The following SMAD6 variants were observed in gnomAD, a reference collection of about 807,000 sequenced individuals.
SMAD6 encodes SMAD family member 6.
A neutral mutation model predicts 39.4 loss-of-function variants in SMAD6; 103 were observed. The ratio of observed to expected loss-of-function variants is 2.62; its 90% confidence interval spans 2.23 to 3.08. The LOEUF (loss-of-function observed/expected upper bound fraction) is 3.08. Among genes scored for constraint, SMAD6 ranks in the 30% most tolerant of loss-of-function variants. SMAD6 has a pLI of 0.00. For synonymous variants in SMAD6, 445 were observed against 353.3 expected (o/e 1.26, Z -2.91); for missense variants, 1,104 against 742.9 (o/e 1.49, Z -5.65).
Position 66,777,850 on chromosome 15 carries a change from G to A in SMAD6, c.953-3147G>A, listed in dbSNP as rs77887220. On this transcript the variant is annotated intron_variant, in intron 3 of 3. Coordinates refer to ENST00000288840, the MANE Select transcript of SMAD6 (RefSeq NM_005585.5). ...AGGAAGCCGCAGGGGATGGGGCCTGGCTCAAGCCCAGGGTGTCCCTTAGCT... is the reference window on the plus strand; with the variant it reads ...AGGAAGCCGCAGGGGATGGGGCCTGACTCAAGCCCAGGGTGTCCCTTAGCT... 8.0e-3 allele frequency among the ~76,000 whole-genome samples: 1,222 copies of A among 152,326 alleles called. 97 individuals carry two copies. In the East Asian group the frequency reaches 0.17, roughly 21 times the overall value.
At chr15:66,720,981 G>A (rs1457565436) in intron 3 of SMAD6, among the ~76,000 whole-genome samples, 4 of 152,228 alleles carry the variant, frequency 2.6e-5, no homozygotes, top group Admixed American at 2.6e-4. Context: ...GGGGAAGGAA[G>A]GGAGCAACAG....
intron 3 of SMAD6, among the ~76,000 whole-genome samples, chr15:66,739,460 C>A (rs905431780): frequency 1.3e-5 from 2 of 152,180 alleles, no homozygotes; most frequent in East Asian, 1.9e-4. Flanking sequence ...GCAGGCAGGC[C>A]GTCAAGAGCC....
chr15:66,746,595 A>G (rs1033323612), intron 3 of SMAD6, among the ~76,000 whole-genome samples: 5 of 152,142 alleles, frequency 3.3e-5, no homozygotes, highest in African/African-American at 1.2e-4. Flanking sequence ...TCAGAGAAAA[A>G]TGCTGTTTTG....
intron 3 of SMAD6, among the ~76,000 whole-genome samples, chr15:66,762,131 C>G (rs886973473): frequency 3.3e-5 from 5 of 152,196 alleles, no homozygotes; most frequent in Admixed American, 6.5e-5. Flanking sequence ...AAAAATAATG[C>G]GTGTATAGCC....
In SMAD6 at chr15:66,703,149, C is replaced by A; in HGVS notation, c.-110C>A. On this transcript the variant is annotated 5_prime_UTR_variant, in exon 1 of 4. Coordinates refer to ENST00000288840, the MANE Select transcript of SMAD6 (RefSeq NM_005585.5). Reference sequence around the variant, plus strand: ...GCGCGGTCTGCACGGCGCTCCGCGGCGGAGCTTCATGTGGGGCTGCGACCC... The same window carrying A: ...GCGCGGTCTGCACGGCGCTCCGCGGAGGAGCTTCATGTGGGGCTGCGACCC... 1.3e-6 allele frequency: 1 copy of A among 780,074 alleles called. No individual in the cohort carries two copies. Among genetic ancestry groups the A allele is most frequent in the Non-Finnish European group, 1.8e-6 (1 of 548,096 alleles). The allele number at this position is 780,074 out of a possible 1,614,324, so 48.3% of individuals were successfully genotyped here.
At position 66,703,216 on chromosome 15, in the gene SMAD6, C is replaced by T. The variant is rs927254481; in HGVS notation, c.-43C>T. 2.3e-6 allele frequency: 3 copies of T among 1,320,356 alleles called. No homozygotes were observed. The highest frequency in any genetic ancestry group is 3.1e-5 in the East Asian group (1 of 32,136). 81.8% of individuals were successfully genotyped at this position (1,320,356 alleles called of 1,614,324 possible). A position where few individuals can be genotyped will look rare whatever the true frequency, so the allele number is the denominator to read the frequency against. On this transcript the variant is annotated 5_prime_UTR_variant, in exon 1 of 4. Coordinates refer to ENST00000288840, the MANE Select transcript of SMAD6 (RefSeq NM_005585.5). Reference sequence around the variant, plus strand: ...GCTGAGGGAACGGACCCCCGGTAACCGGAGACCGCCTCCCCCCCACCCCTG... The same window carrying T: ...GCTGAGGGAACGGACCCCCGGTAACTGGAGACCGCCTCCCCCCCACCCCTG...
intron 1 of SMAD6, chr15:66,708,674 C>A (rs1355817755): frequency 6.5e-6 from 3 of 459,900 alleles, no homozygotes; most frequent in Non-Finnish European, 1.4e-5. Context: ...AAGAAGCCAG[C>A]CACAAAAGGC....
At chr15:66,752,500 A>G (rs1299211276) in intron 3 of SMAD6, among the ~76,000 whole-genome samples, 1 of 152,238 alleles carries the variant, frequency 6.6e-6, no homozygotes, top group Non-Finnish European at 1.5e-5. Flanking sequence ...AAATACATAC[A>G]TAGGGCTGGG....
intron 3 of SMAD6, among the ~76,000 whole-genome samples, chr15:66,725,973 A>C (rs1893514362): frequency 6.6e-6 from 1 of 152,124 alleles, no homozygotes; most frequent in South Asian, 2.1e-4. Context: ...CCTCCTGCCC[A>C]CTGCCTTATG....
chr15:66,714,447 A>G (rs1039809474), intron 2 of SMAD6, among the ~76,000 whole-genome samples: 2 of 152,140 alleles, frequency 1.3e-5, no homozygotes, highest in African/African-American at 4.8e-5. Context: ...TGAAATTCAG[A>G]TTTTGGTGTC....
intron 3 of SMAD6, among the ~76,000 whole-genome samples, chr15:66,755,484 C>G (rs1365774444): frequency 6.6e-6 from 1 of 152,202 alleles, no homozygotes; most frequent in Non-Finnish European, 1.5e-5. Context: ...TTATGAGAGG[C>G]ACATTCCAGG....
chr15:66,727,795 A>G (rs1441452535), intron 3 of SMAD6, among the ~76,000 whole-genome samples: 1 of 152,144 alleles, frequency 6.6e-6, no homozygotes, highest in Non-Finnish European at 1.5e-5. Context: ...TTTTACCAAT[A>G]CATAATACAT....
chr15:66,723,630 A>G (rs766562669), intron 3 of SMAD6, among the ~76,000 whole-genome samples: 2 of 152,250 alleles, frequency 1.3e-5, no homozygotes, highest in Non-Finnish European at 2.9e-5. Flanking sequence ...TGATCGCACC[A>G]CTGCACTCTG....
chr15:66,729,403 C>T (rs1893583080), intron 3 of SMAD6, among the ~76,000 whole-genome samples: 1 of 152,164 alleles, frequency 6.6e-6, no homozygotes, highest in Non-Finnish European at 1.5e-5. Flanking sequence ...GGCCTTTCAC[C>T]GGTAGCCAAA....
Position 66,704,089 on chromosome 15 carries a change from G to A in SMAD6, c.817+14G>A. 5 of 1,449,740 alleles carry A rather than the reference G, an allele frequency of 3.4e-6. No individual in the cohort carries two copies. Among genetic ancestry groups the A allele is most frequent in the Admixed American group, 2.6e-5 (1 of 38,570 alleles). The allele number at this position is 1,449,740 out of a possible 1,614,324, so 89.8% of individuals were successfully genotyped here. The stretch of plus-strand genomic sequence containing the variant: ...TCTGCGGGCCCGGTGAGCGCGCTGC[G>A]CCGGCCGGGGGGGCCCCGGGTCCCC... On this transcript the variant is annotated intron_variant, in intron 1 of 3. Transcript: ENST00000288840.
chr15:66,756,271 T>A (rs1368160055), intron 3 of SMAD6, among the ~76,000 whole-genome samples: 10 of 152,140 alleles, frequency 6.6e-5, no homozygotes. Flanking sequence ...TTATTTTATT[T>A]TTTTCCTTTC....
At chr15:66,715,108 T>C (rs559447653) in intron 2 of SMAD6, among the ~76,000 whole-genome samples, 5 of 151,902 alleles carry the variant, frequency 3.3e-5, no homozygotes, top group Admixed American at 1.3e-4. Flanking sequence ...CAGATAACTT[T>C]TTCATTCCCT....
intron 3 of SMAD6, among the ~76,000 whole-genome samples, chr15:66,759,254 T>G (rs1894156732): frequency 6.6e-6 from 1 of 152,002 alleles, no homozygotes. Flanking sequence ...TGGACAGAAA[T>G]AAGAGAATTT....
In SMAD6 at chr15:66,781,188, C is replaced by G; in HGVS notation, c.1144C>G (p.Arg382Gly). 1 of 1,607,722 alleles carries G rather than the reference C, an allele frequency of 6.2e-7. No homozygotes were observed. Among genetic ancestry groups the G allele is most frequent in the Non-Finnish European group, 8.5e-7 (1 of 1,179,716 alleles). Residue 382 changes from arginine to glycine, a missense_variant, in exon 4 of 4, where the codon CGA becomes GGA. By Grantham distance (125) the Arg-to-Gly change is moderately radical (BLOSUM62 -2). Coordinates refer to ENST00000288840, the MANE Select transcript of SMAD6 (RefSeq NM_005585.5). ...NLEQRSESVRRTRSKIGFGIL... is the reference protein window; with the variant it reads ...NLEQRSESVRGTRSKIGFGIL... ...GGAGCAGCGCAGCGAGTCGGTGCGG[C>G]GAACGCGCAGCAAGATCGGCTTCGG...
Sources: gnomAD v4.1 joint callset for allele counts (sites outside exome capture counted in the v4.1 genomes callset) on GRCh38, gnomAD v4.1.1 for gene constraint, MANE v1.5 for transcripts, NCBI Gene and HGNC (gene_info 2026-07-23, HGNC 2026-07-21) for gene names.